Variants in WDR38 observed in about 807,000 individuals in gnomAD.
WDR38 encodes WD repeat domain 38.
A neutral mutation model predicts 36.6 loss-of-function variants in WDR38; 37 were observed. The ratio of observed to expected loss-of-function variants is 1.01; its 90% confidence interval spans 0.78 to 1.33. The LOEUF is 1.33. WDR38 is among the 40% of genes most tolerant of loss of function. The pLI is 0.00. For missense variants in WDR38, 411 were observed against 414.6 expected (o/e 0.99, Z 0.07); for synonymous variants, 164 against 168.1 (o/e 0.98, Z 0.19).
intron 2 of WDR38, 130 bp downstream of exon 2, chr9:124,854,455 G>A (rs1828994109): frequency 6.4e-6 from 9 of 1,411,176 alleles, no homozygotes; most frequent in Admixed American, 2.0e-5. Flanking sequence ...GAGATGGGAC[G>A]AGATATCTGG....
rs397711804 is a variant in WDR38, at chr9:124,857,352, C to CA, written c.769-12_769-11insA. The CA allele has an allele frequency of 6.9e-6, 11 of 1,589,228 alleles. No homozygotes were observed. Among genetic ancestry groups the CA allele is most frequent in the Admixed American group, 3.3e-5 (2 of 59,786 alleles). On this transcript the variant is annotated splice_polypyrimidine_tract_variant and intron_variant, in intron 7 of 8. Transcript: ENST00000373574. ...TGGTGAGGCTTCCTGACATGCCCCC[C>CA]TCCTTTTCCAGGTCAAAGTCTGGGA...
chr9:124,857,503 G>T lies in WDR38; in HGVS notation c.818G>T (p.Gly273Val). 6.2e-7 allele frequency: 1 copy of T among 1,614,160 alleles called. No individual in the cohort carries two copies. The highest frequency in any genetic ancestry group is 8.5e-7 in the Non-Finnish European group (1 of 1,180,028). ...NTGKCLETLK[G>V]VLDVAHTCAF... ...AGCCCCACCTTCTACTCTTAGCAGG[G>T]AGTCCTGGATGTGGCCCACACCTGT... is the stretch of plus-strand genomic sequence containing the variant. Residue 273 changes from glycine to valine, a missense_variant and splice_region_variant, in exon 9 of 9, where the codon GGA (glycine) becomes GTA (valine). Physicochemically the swap from Gly to Val is moderately radical, Grantham distance 109. Transcript: ENST00000373574.
At chr9:124,854,513 A>AACAC (rs10533023) in intron 2 of WDR38, among the ~76,000 whole-genome samples, 188 bp downstream of exon 2, 10 of 124,706 alleles carry the variant, frequency 8.0e-5, no homozygotes, top group East Asian at 7.0e-4. Flanking sequence ...CTTCTTTAAA[A>AACAC]ACACACACAC....
Position 124,853,568 on chromosome 9 carries a change from A to C in WDR38, c.37A>C (p.Arg13=). ...GGTCCCGGCCACGCTGGCCGTGCGGAGAGTGAAATTCTTCGGCCAGCACGG... is the reference window on the plus strand; with the variant it reads ...GGTCCCGGCCACGCTGGCCGTGCGGCGAGTGAAATTCTTCGGCCAGCACGG... ...SGVPATLAVR[R]VKFFGQHGGE... The change falls in exon 1 of 9, where the codon AGA becomes CGA. Residue 13 remains arginine, a synonymous_variant. Transcript: ENST00000373574. 1 of 1,261,116 alleles carries C rather than the reference A, an allele frequency of 7.9e-7. No individual in the cohort carries two copies. The highest frequency in any genetic ancestry group is 1.0e-6 in the Non-Finnish European group (1 of 995,662). 78.1% of individuals were successfully genotyped at this position (1,261,116 alleles called of 1,614,324 possible).
chr9:124,855,292 A>G (rs1343116041), intron 2 of WDR38, among the ~76,000 whole-genome samples: 1 of 152,238 alleles, frequency 6.6e-6, no homozygotes. Flanking sequence ...ACAAGAAAAA[A>G]TATCAGGCAA....
At position 124,855,665 on chromosome 9, in the gene WDR38, T is replaced by C; in HGVS notation, c.222T>C (p.Asp74=). Residue 74 remains aspartate (D), a synonymous_variant, in exon 3 of 9, where the codon GAT becomes GAC. Coordinates refer to ENST00000373574, the MANE Select transcript of WDR38 (RefSeq NM_001045476.3). ...TGAAGTTCTGCCGCTTCTCCCCTGA[T>C]GGCCACCTCTTCGCCAGCGCCTCCT... ...GPVKFCRFSP[D]GHLFASASCD... The C allele has an allele frequency of 6.2e-7, 1 of 1,612,534 alleles. No individual in the cohort carries two copies. Among genetic ancestry groups the C allele is most frequent in the African/African-American group, 1.3e-5 (1 of 75,064 alleles).
In WDR38 at chr9:124,855,953, G is replaced by A. The variant is rs555820707; in HGVS notation, c.400G>A (p.Val134Met). The A allele has an allele frequency of 1.9e-5, 31 of 1,614,048 alleles. No homozygotes were observed. The South Asian group carries it at 2.5e-4, about 13-fold the overall frequency. ...GWDKRVMLWDVQSGQMLRLLV... is the reference protein window; with the variant it reads ...GWDKRVMLWDMQSGQMLRLLV... ...GGACAAGCGGGTGATGCTCTGGGAT[G>A]TGCAGGTACGTTGAGGGGCTGGGGC... is the stretch of plus-strand genomic sequence containing the variant. The change falls in exon 4 of 9, where the codon GTG becomes ATG. Residue 134 changes from valine (V) to methionine (M), a missense_variant. Coordinates refer to ENST00000373574, the MANE Select transcript of WDR38 (RefSeq NM_001045476.3).
rs1395684744 is a variant in WDR38, at chr9:124,857,619, C to G, written c.934C>G (p.Pro312Ala). Residue 312 changes from proline to alanine, a missense_variant, in exon 9 of 9, where the codon CCT (proline) becomes GCT (alanine). Pro to Ala is a conservative substitution (Grantham distance 27). Transcript: ENST00000373574. ...CCGCACGTCCAAATCACCCAGGGAC[C>G]CTCAAACCTAACACCAACCACCTTA... ...ISRTSKSPRDPQT is the reference protein window; with the variant it reads ...ISRTSKSPRDAQT 1.2e-6 allele frequency: 2 copies of G among 1,614,050 alleles called. No homozygotes were observed. The highest frequency in any genetic ancestry group is 3.3e-5 in the Admixed American group (2 of 60,012).
In WDR38 at chr9:124,857,510, G is replaced by A. The variant is rs766409615; in HGVS notation, c.825G>A (p.Leu275=). The change falls in exon 9 of 9, where the codon CTG becomes CTA. Residue 275 remains leucine (L), a synonymous_variant. Coordinates refer to ENST00000373574, the MANE Select transcript of WDR38 (RefSeq NM_001045476.3). ...GKCLETLKGV[L]DVAHTCAFTP... ...CCTTCTACTCTTAGCAGGGAGTCCTGGATGTGGCCCACACCTGTGCCTTCA... is the reference window on the plus strand; with the variant it reads ...CCTTCTACTCTTAGCAGGGAGTCCTAGATGTGGCCCACACCTGTGCCTTCA... The A allele has an allele frequency of 6.2e-7, 1 of 1,614,156 alleles. No homozygotes were observed. Among genetic ancestry groups the A allele is most frequent in the Non-Finnish European group, 8.5e-7 (1 of 1,180,018 alleles).
intron 3 of WDR38, 50 bp downstream of exon 3, chr9:124,855,800 G>GT: frequency 6.2e-7 from 1 of 1,613,522 alleles, no homozygotes; most frequent in Non-Finnish European, 8.5e-7. Flanking sequence ...CTTTCAGATG[G>GT]TGCTGTGTCC....
At chr9:124,857,003 G>A in intron 7 of WDR38, 122 bp downstream of exon 7, 1 of 1,420,130 alleles carries the variant, frequency 7.0e-7, no homozygotes, top group South Asian at 1.3e-5. Flanking sequence ...GCAAGGGCAG[G>A]ACCTGGGTGC....
intron 2 of WDR38, among the ~76,000 whole-genome samples, chr9:124,855,309 G>A (rs1829018765): frequency 6.6e-6 from 1 of 152,146 alleles, no homozygotes; most frequent in African/African-American, 2.4e-5. Context: ...GCAATTACAG[G>A]CAGTCTGGTT....
At chr9:124,857,016 G>A in intron 7 of WDR38, 135 bp downstream of exon 7, 1 of 1,318,276 alleles carries the variant, frequency 7.6e-7, no homozygotes, top group Non-Finnish European at 1.0e-6. Context: ...CTGGGTGCCA[G>A]CCTCTCTTCC....
Position 124,856,595 on chromosome 9 carries a change from CTCCTGGTAAGTGGGGTG to C in WDR38, c.618+2_618+18del. ...CTGCCTGTGCTATTCAGCATCCGGC[CTCCTGGTAAGTGGGGTG>C]TCCTGGGTTCCAGGCTGGTCCCTTG... On this transcript the variant is annotated splice_donor_variant and splice_donor_5th_base_variant and coding_sequence_variant and intron_variant, in exon 6 of 9. Transcript: ENST00000373574. LOFTEE classifies it high-confidence loss of function. The C allele has an allele frequency of 1.2e-6, 2 of 1,613,904 alleles. No homozygotes were observed. Among genetic ancestry groups the C allele is most frequent in the African/African-American group, 2.7e-5 (2 of 75,054 alleles).
Position 124,854,276 on chromosome 9 carries a change from CTGGG to C in WDR38, c.142_145del (p.Trp48ArgfsTer18). On this transcript the variant is annotated frameshift_variant, in exon 2 of 9. Transcript: ENST00000373574. LOFTEE classifies it high-confidence loss of function. ...GCTCAGAAGATGGCTGCGTGTATGG[CTGGG>C]AGACCCGGAGTGGGCAGCTGCTGTG... 1 of 1,614,082 alleles carries C rather than the reference CTGGG, an allele frequency of 6.2e-7. No individual in the cohort carries two copies. Among genetic ancestry groups the C allele is most frequent in the East Asian group, 2.2e-5 (1 of 44,874 alleles).
Position 124,855,874 on chromosome 9 carries a change from T to C in WDR38, c.321T>C (p.Ser107=), listed in dbSNP as rs1395660811. 5 of 1,613,806 alleles carry C rather than the reference T, an allele frequency of 3.1e-6. No homozygotes were observed. Residue 107 remains serine (S), a synonymous_variant, in exon 4 of 9, where the codon AGT becomes AGC. Transcript: ENST00000373574. ...CLRVLKGHQR[S]VETVSFSPDS... is the part of the protein sequence containing the mutation. ...TGGTGCCTGCAGGTCACCAACGGAG[T>C]GTGGAGACGGTCAGCTTCAGCCCTG...
rs186389486 is a variant in WDR38 at position 124,855,120 on chromosome 9, G to A, written c.191-514G>A. 1.3e-3 allele frequency among the ~76,000 whole-genome samples: 202 copies of A among 152,232 alleles called. 3 individuals are homozygous for A. Among genetic ancestry groups the A allele is most frequent in the African/African-American group, 4.5e-3 (186 of 41,538 alleles). Reference sequence around the variant, plus strand: ...ACTGGCTTATTTCACTTAGCATGATGTACTTAAGGTTCAGCCATGTCGTGC... The same window carrying A: ...ACTGGCTTATTTCACTTAGCATGATATACTTAAGGTTCAGCCATGTCGTGC... On this transcript the variant is annotated intron_variant, in intron 2 of 8. Transcript: ENST00000373574.
At position 124,857,552 on chromosome 9, in the gene WDR38, C is replaced by G. The variant is rs1328771409; in HGVS notation, c.867C>G (p.Ile289Met). 2 of 1,614,072 alleles carry G rather than the reference C, an allele frequency of 1.2e-6. No homozygotes were observed. The highest frequency in any genetic ancestry group is 1.7e-6 in the Non-Finnish European group (2 of 1,180,036). Residue 289 changes from isoleucine to methionine, a missense_variant, in exon 9 of 9, where the codon ATC becomes ATG. By Grantham distance (10) the Ile-to-Met change is conservative. Transcript: ENST00000373574. ...GTGCCTTCACCCCAGATGGGAAAAT[C>G]TTAGTGTCTGGAGCTGCCGATCAGA... The part of the protein sequence containing the change: ...HTCAFTPDGK[I>M]LVSGAADQTR...
rs1829076249 is a variant in WDR38 at position 124,856,588 on chromosome 9, A to G, written c.606A>G (p.Ala202=). 2.5e-6 allele frequency: 4 copies of G among 1,613,936 alleles called. No homozygotes were observed. Among genetic ancestry groups the G allele is most frequent in the Non-Finnish European group, 3.4e-6 (4 of 1,179,942 alleles). ...ACATCAGCTGCCTGTGCTATTCAGC[A>G]TCCGGCCTCCTGGTAAGTGGGGTGT... The part of the protein sequence containing the change: ...SANISCLCYS[A]SGLLASGSWD... Residue 202 remains alanine, a synonymous_variant, in exon 6 of 9, where the codon GCA becomes GCG. Transcript: ENST00000373574.
Sources: allele counts gnomAD v4.1 joint callset (sites outside exome capture counted in the v4.1 genomes callset), GRCh38; gene constraint gnomAD v4.1.1; transcripts MANE v1.5; gene names NCBI Gene and HGNC (gene_info 2026-07-23, HGNC 2026-07-21).